The following SLC71A2 variants were observed in gnomAD, a reference collection of about 807,000 sequenced individuals.
SLC71A2 encodes solute carrier family 71 member 2, also known as hippocampus abundant transcript-like 1.
At chr9:94,396,075 A>G in the SLC71A2 span, among the ~76,000 whole-genome samples, 1 of 151,824 alleles carries the variant, frequency 6.6e-6, no homozygotes, top group African/African-American at 2.4e-5. Flanking sequence ...AAAAGAAGCT[A>G]TAGGGATATG....
chr9:94,442,722 C>T, the SLC71A2 span, among the ~76,000 whole-genome samples: 5 of 151,794 alleles, frequency 3.3e-5, no homozygotes, highest in Admixed American at 6.6e-5. Flanking sequence ...TGGTGGTGTG[C>T]GCTTGTAATC....
At chr9:94,449,136 T>G in the SLC71A2 span, among the ~76,000 whole-genome samples, 2 of 152,224 alleles carry the variant, frequency 1.3e-5, no homozygotes, top group African/African-American at 4.8e-5. Context: ...CATCTCTTTA[T>G]GTAGGTAATA....
At chr9:94,444,880 G>A in the SLC71A2 span, 1 of 1,285,908 alleles carries the variant, frequency 7.8e-7, no homozygotes, top group Admixed American at 1.7e-5. Context: ...GTGTGCACCT[G>A]CAGCAGGCAG....
At chr9:94,384,728 C>T in the SLC71A2 span, among the ~76,000 whole-genome samples, 1 of 152,054 alleles carries the variant, frequency 6.6e-6, no homozygotes, top group Non-Finnish European at 1.5e-5. Flanking sequence ...GATATTAACT[C>T]CCTGCTATGG....
the SLC71A2 span, among the ~76,000 whole-genome samples, chr9:94,436,048 T>C: frequency 2.6e-5 from 4 of 152,358 alleles, no homozygotes; most frequent in Non-Finnish European, 2.9e-5. Context: ...TCAGTCTTCT[T>C]ATACTCTAAT....
the SLC71A2 span, among the ~76,000 whole-genome samples, chr9:94,406,426 A>G: frequency 1.3e-5 from 2 of 152,116 alleles, 1 homozygote; most frequent in Non-Finnish European, 2.9e-5. Flanking sequence ...GTTAGTAGAG[A>G]CAGGTTTTCA....
At chr9:94,446,762 G>C in the SLC71A2 span, 2 of 851,600 alleles carry the variant, frequency 2.3e-6, no homozygotes, top group Non-Finnish European at 4.0e-6. Flanking sequence ...TGATGTCCCA[G>C]AACATTGGCA....
chr9:94,389,938 G>T, the SLC71A2 span, among the ~76,000 whole-genome samples: 2 of 151,920 alleles, frequency 1.3e-5, no homozygotes, highest in African/African-American at 4.8e-5. Flanking sequence ...GTCTTGGCCG[G>T]GTGCAGGGGC....
chr9:94,385,945 G>A, the SLC71A2 span, among the ~76,000 whole-genome samples: 1 of 152,186 alleles, frequency 6.6e-6, no homozygotes, highest in African/African-American at 2.4e-5. Context: ...CTGGAGTGCA[G>A]TGGTGTGGTC....
chr9:94,455,964 G>A, the SLC71A2 span, among the ~76,000 whole-genome samples: 2 of 152,188 alleles, frequency 1.3e-5, no homozygotes, highest in African/African-American at 4.8e-5. Context: ...AAAGATAGCA[G>A]TAGGGAGACC....
the SLC71A2 span, among the ~76,000 whole-genome samples, chr9:94,419,464 T>TTTTTG: frequency 0.022 from 3,343 of 151,930 alleles, 123 homozygotes; most frequent in African/African-American, 0.076. Context: ...TGGCTCTTTT[T>TTTTTG]TTTTGTTTTG....
chr9:94,401,202 ACTCT>A, the SLC71A2 span, among the ~76,000 whole-genome samples: 364 of 151,542 alleles, frequency 2.4e-3, 1 homozygote, highest in Middle Eastern at 6.8e-3. Flanking sequence ...ACGGAGTCTC[ACTCT>A]GTCACCCAGG....
chr9:94,459,173 C>A, the SLC71A2 span: 1 of 1,613,686 alleles, frequency 6.2e-7, no homozygotes. Context: ...AGCTGTCATC[C>A]CAGGCCCGCC....
the SLC71A2 span, among the ~76,000 whole-genome samples, chr9:94,389,996 C>T: frequency 1.3e-5 from 2 of 152,214 alleles, no homozygotes; most frequent in East Asian, 1.9e-4. Context: ...GGGTGGATCA[C>T]GAGGTCAAGA....
At chr9:94,436,741 G>T in the SLC71A2 span, among the ~76,000 whole-genome samples, 1 of 152,084 alleles carries the variant, frequency 6.6e-6, no homozygotes, top group Admixed American at 6.6e-5. Flanking sequence ...TAATCAGTTG[G>T]TGGCTGATAG....
the SLC71A2 span, among the ~76,000 whole-genome samples, chr9:94,457,706 A>AT: frequency 6.6e-6 from 1 of 152,208 alleles, no homozygotes; most frequent in African/African-American, 2.4e-5. Context: ...ATACTTATTC[A>AT]TGTCAATATA....
At chr9:94,391,159 T>C in the SLC71A2 span, among the ~76,000 whole-genome samples, 1 of 139,214 alleles carries the variant, frequency 7.2e-6, no homozygotes, top group Non-Finnish European at 1.5e-5. Context: ...GGAGGATTGC[T>C]GGAGCCCCAG....
the SLC71A2 span, among the ~76,000 whole-genome samples, chr9:94,452,641 A>G: frequency 1.1e-5 from 1 of 90,830 alleles, no homozygotes; most frequent in Non-Finnish European, 2.6e-5. Context: ...ATTTTCATAT[A>G]TATATTCATA....
chr9:94,385,331 C>G, the SLC71A2 span, among the ~76,000 whole-genome samples: 1 of 152,070 alleles, frequency 6.6e-6, no homozygotes, highest in African/African-American at 2.4e-5. Context: ...GAAGCTTTTG[C>G]CCTATGTTTT....
Sources: gnomAD v4.1 joint callset for allele counts (sites outside exome capture counted in the v4.1 genomes callset) on GRCh38, gnomAD v4.1.1 for gene constraint, MANE v1.5 for transcripts, NCBI Gene and HGNC (gene_info 2026-07-23, HGNC 2026-07-21) for gene names.